Variants in CNTNAP2 observed in about 807,000 individuals in gnomAD.
CNTNAP2 encodes contactin-associated protein-like 2.
CNTNAP2 carries 98 observed loss-of-function variants against 155.2 expected under a neutral mutation model. That is an observed-to-expected ratio of 0.63 (90% CI 0.54 to 0.75). The LOEUF (loss-of-function observed/expected upper bound fraction) is 0.75, where lower values mean the gene tolerates loss of function less well. Among genes scored for constraint, CNTNAP2 ranks in the 30% least tolerant of loss-of-function variants. CNTNAP2 has a pLI of 0.00. For missense variants in CNTNAP2, 1,727 were observed against 1,688.1 expected (o/e 1.02, Z -0.40); for synonymous variants, 651 against 631.2 (o/e 1.03, Z -0.47).
intron 10 of CNTNAP2, among the ~76,000 whole-genome samples, chr7:147,399,219 T>C (rs1315450319): frequency 6.6e-6 from 1 of 151,976 alleles, no homozygotes; most frequent in Non-Finnish European, 1.5e-5. Context: ...ATTGTCAGGG[T>C]GTGGCTTTTA....
At chr7:147,228,929 A>G (rs13243460) in intron 8 of CNTNAP2, among the ~76,000 whole-genome samples, 2,449 of 151,300 alleles carry the variant, frequency 0.016, 25 homozygotes, top group South Asian at 0.044. Context: ...TTCTTGTGTT[A>G]TTTTGCTGAG....
intron 1 of CNTNAP2, among the ~76,000 whole-genome samples, chr7:146,132,323 A>T (rs967253427): frequency 6.6e-6 from 1 of 152,132 alleles, no homozygotes; most frequent in Non-Finnish European, 1.5e-5. Flanking sequence ...AGCAATTCTC[A>T]TATGCTAATA....
At chr7:146,202,540 A>G (rs1375560942) in intron 1 of CNTNAP2, among the ~76,000 whole-genome samples, 1 of 152,144 alleles carries the variant, frequency 6.6e-6, no homozygotes. Flanking sequence ...TCCAAACTAT[A>G]TAGAAACCTA....
intron 23 of CNTNAP2, 112 bp downstream of exon 23, chr7:148,409,583 A>C: frequency 1.1e-6 from 1 of 879,088 alleles, no homozygotes; most frequent in Non-Finnish European, 1.9e-6. Flanking sequence ...TACATTATTC[A>C]TTTTGCTGTT....
chr7:148,261,229 C>T (rs566084175), intron 20 of CNTNAP2, among the ~76,000 whole-genome samples: 13 of 152,078 alleles, frequency 8.5e-5, no homozygotes, highest in Non-Finnish European at 1.8e-4. Context: ...GGCACCATCT[C>T]GGCTCACTGC....
At chr7:147,604,488 G>A (rs1366651468) in intron 12 of CNTNAP2, among the ~76,000 whole-genome samples, 8 of 152,114 alleles carry the variant, frequency 5.3e-5, no homozygotes, top group Admixed American at 2.6e-4. Context: ...CATGACCTTC[G>A]TTGTCTGCTG....
chr7:147,951,762 C>A (rs929518121), intron 14 of CNTNAP2, among the ~76,000 whole-genome samples: 3 of 151,106 alleles, frequency 2.0e-5, no homozygotes, highest in Non-Finnish European at 4.4e-5. Context: ...ACAAGGGGGG[C>A]CTGTCCGGGG....
rs537548063 is a variant in CNTNAP2 at position 148,365,814 on chromosome 7, A to G, written c.3476-17835A>G. ...TGTATACATGCATGTGTATGCATGTATACATGCATGTGTATGCATGTATAC... is the reference window on the plus strand; with the variant it reads ...TGTATACATGCATGTGTATGCATGTGTACATGCATGTGTATGCATGTATAC... On this transcript the variant is annotated intron_variant, in intron 21 of 23. Coordinates refer to ENST00000361727, the MANE Select transcript of CNTNAP2 (RefSeq NM_014141.6). Among the ~76,000 whole-genome samples the G allele has an allele frequency of 2.9e-3, 336 of 114,838 alleles. 63 individuals carry two copies. Among genetic ancestry groups the G allele is most frequent in the African/African-American group, 4.4e-3 (127 of 28,924 alleles). 75.3% of individuals were successfully genotyped at this position (114,838 alleles called of 152,430 possible).
At chr7:147,034,694 G>T (rs974242950) in intron 3 of CNTNAP2, among the ~76,000 whole-genome samples, 1 of 152,112 alleles carries the variant, frequency 6.6e-6, no homozygotes, top group Non-Finnish European at 1.5e-5. Context: ...AGGTGGATGG[G>T]GAGGTCAGAA....
chr7:147,315,848 A>T (rs1251166730), intron 9 of CNTNAP2, among the ~76,000 whole-genome samples: 1 of 152,102 alleles, frequency 6.6e-6, no homozygotes, highest in Non-Finnish European at 1.5e-5. Context: ...TCTTTCATTT[A>T]GCATGTTTTC....
At chr7:148,273,391 A>T (rs1585233508) in intron 21 of CNTNAP2, among the ~76,000 whole-genome samples, 2 of 152,354 alleles carry the variant, frequency 1.3e-5, no homozygotes, top group Admixed American at 6.5e-5. Flanking sequence ...TGAATTTAGA[A>T]GAATATCAAT....
chr7:147,700,599 A>C (rs866908024), intron 13 of CNTNAP2, among the ~76,000 whole-genome samples: 5 of 152,202 alleles, frequency 3.3e-5, no homozygotes, highest in African/African-American at 1.2e-4. Flanking sequence ...TGCTAAATTG[A>C]AGAAATATCA....
chr7:146,256,636 A>C lies in CNTNAP2; in HGVS notation c.97+139663A>C, dbSNP rs1799842172. 3.9e-5 allele frequency among the ~76,000 whole-genome samples: 6 copies of C among 152,154 alleles called. No homozygotes were observed. In the South Asian group the frequency reaches 1.2e-3, roughly 32 times the overall value. On this transcript the variant is annotated intron_variant, in intron 1 of 23. Transcript: ENST00000361727. Reference sequence around the variant, plus strand: ...AGTATCAATAAAATGCCAATTAAAAATATAAGAAAATATGAGAAAATACTA... The same window carrying C: ...AGTATCAATAAAATGCCAATTAAAACTATAAGAAAATATGAGAAAATACTA...
At chr7:148,011,052 A>C (rs12536135) in intron 15 of CNTNAP2, among the ~76,000 whole-genome samples, 6,052 of 152,244 alleles carry the variant, frequency 0.04, 250 homozygotes, top group East Asian at 0.24. Flanking sequence ...GATAGATAGA[A>C]ATGTAATTTT....
chr7:146,695,737 T>C (rs975464457), intron 1 of CNTNAP2, among the ~76,000 whole-genome samples: 1 of 152,166 alleles, frequency 6.6e-6, no homozygotes, highest in Non-Finnish European at 1.5e-5. Flanking sequence ...AATTAATGTT[T>C]AATTTACAAA....
chr7:146,763,792 A>G (rs567161201), intron 1 of CNTNAP2, among the ~76,000 whole-genome samples: 41 of 152,314 alleles, frequency 2.7e-4, no homozygotes, highest in African/African-American at 9.4e-4. Context: ...ATACTGTTTT[A>G]TAGACTACTT....
At chr7:147,070,961 G>A in intron 4 of CNTNAP2, among the ~76,000 whole-genome samples, 1 of 151,998 alleles carries the variant, frequency 6.6e-6, no homozygotes, top group Non-Finnish European at 1.5e-5. Flanking sequence ...GTGTGTATTT[G>A]CTTCACTCCA....
chr7:147,374,423 GC>G (rs1796400427), intron 9 of CNTNAP2, among the ~76,000 whole-genome samples: 1 of 151,728 alleles, frequency 6.6e-6, no homozygotes, highest in African/African-American at 2.4e-5. Flanking sequence ...TTCAAATCTT[GC>G]CTACCATTGC....
At chr7:146,231,163 C>CT (rs1348173692) in intron 1 of CNTNAP2, among the ~76,000 whole-genome samples, 1 of 152,032 alleles carries the variant, frequency 6.6e-6, no homozygotes, top group Non-Finnish European at 1.5e-5. Context: ...TATACATTCA[C>CT]TAGGATTACC....
Sources: allele counts gnomAD v4.1 joint callset (sites outside exome capture counted in the v4.1 genomes callset), GRCh38; gene constraint gnomAD v4.1.1; transcripts MANE v1.5; gene names NCBI Gene and HGNC (gene_info 2026-07-23, HGNC 2026-07-21).